Variants in GRID2 observed in about 807,000 individuals in gnomAD.
GRID2 encodes glutamate receptor ionotropic, delta-2.
Under a neutral mutation model 114.8 loss-of-function variants are expected in GRID2, and 33 were observed. That is an observed-to-expected ratio of 0.29 (90% CI 0.22 to 0.38). The LOEUF (loss-of-function observed/expected upper bound fraction) is 0.38. Ranked by LOEUF, GRID2 falls within the 10% of genes least tolerant of loss-of-function variation. GRID2 has a pLI of 1.00. For missense variants in GRID2, 1,184 were observed against 1,257.7 expected, an observed-to-expected ratio of 0.94 and a Z score of 0.89; for synonymous variants, 505 against 449.9, an observed-to-expected ratio of 1.12 and a Z score of -1.55.
At chr4:92,698,539 A>G (rs1021856979) in intron 2 of GRID2, among the ~76,000 whole-genome samples, 6 of 151,990 alleles carry the variant, frequency 3.9e-5, no homozygotes, top group African/African-American at 1.2e-4. Flanking sequence ...TTAACTGTAT[A>G]TAATATATGC....
At chr4:92,419,455 A>C (rs1463929671) in intron 1 of GRID2, among the ~76,000 whole-genome samples, 1 of 152,162 alleles carries the variant, frequency 6.6e-6, no homozygotes, top group East Asian at 1.9e-4. Flanking sequence ...TGGTAAATTA[A>C]GATGACGGAT....
At chr4:93,422,638 G>A (rs1768404702) in intron 9 of GRID2, 133 bp from the exon 10 acceptor site, 2 of 618,108 alleles carry the variant, frequency 3.2e-6, no homozygotes, top group Admixed American at 3.1e-5. Flanking sequence ...TAATGCATAA[G>A]TTATATTCCT....
chr4:92,458,608 T>A (rs564359755), intron 1 of GRID2, among the ~76,000 whole-genome samples: 2 of 152,290 alleles, frequency 1.3e-5, no homozygotes, highest in South Asian at 4.1e-4. Context: ...AAACAACAAA[T>A]TTAAAATTCT....
intron 2 of GRID2, among the ~76,000 whole-genome samples, chr4:92,692,233 C>T (rs1734214997): frequency 6.6e-6 from 1 of 152,118 alleles, no homozygotes; most frequent in Admixed American, 6.6e-5. Flanking sequence ...GGAATGACTT[C>T]TGTTTAAGTT....
At chr4:93,169,528 A>G (rs1244329946) in intron 4 of GRID2, among the ~76,000 whole-genome samples, 2 of 152,198 alleles carry the variant, frequency 1.3e-5, no homozygotes, top group East Asian at 3.9e-4. Context: ...TAGTCAATAT[A>G]CATAGATTGC....
At chr4:93,194,696 TAAA>T (rs947886351) in intron 4 of GRID2, among the ~76,000 whole-genome samples, 26 of 152,200 alleles carry the variant, frequency 1.7e-4, no homozygotes, top group African/African-American at 6.0e-4. Flanking sequence ...GTTTATTAAT[TAAA>T]TAATATAGAC....
At chr4:93,653,242 C>G (rs1355655194) in intron 14 of GRID2, among the ~76,000 whole-genome samples, 2 of 152,162 alleles carry the variant, frequency 1.3e-5, no homozygotes, top group Non-Finnish European at 2.9e-5. Flanking sequence ...AGAACAATCT[C>G]TGAGTCTCCT....
chr4:93,031,296 G>A (rs1430453224), intron 2 of GRID2, among the ~76,000 whole-genome samples: 3 of 151,972 alleles, frequency 2.0e-5, no homozygotes, highest in East Asian at 1.9e-4. Flanking sequence ...TGCCTGCCTC[G>A]GCCTCCCAAA....
intron 1 of GRID2, among the ~76,000 whole-genome samples, chr4:92,540,588 A>C (rs141096623): frequency 7.9e-5 from 12 of 152,080 alleles, no homozygotes; most frequent in African/African-American, 2.9e-4. Context: ...CAAAACCACA[A>C]TGAGATATCA....
intron 2 of GRID2, among the ~76,000 whole-genome samples, chr4:92,703,231 T>C (rs536732377): frequency 2.6e-5 from 4 of 152,282 alleles, no homozygotes; most frequent in Admixed American, 2.6e-4. Flanking sequence ...GACATATATC[T>C]ATTTTGTGCT....
downstream of GRID2, among the ~76,000 whole-genome samples, chr4:93,776,939 A>G (rs1232808995): frequency 6.6e-6 from 1 of 152,174 alleles, no homozygotes; most frequent in Non-Finnish European, 1.5e-5. Flanking sequence ...ATGATAATTC[A>G]AGCTCTGCAA....
chr4:93,004,094 T>C (rs571735537), intron 2 of GRID2, among the ~76,000 whole-genome samples: 3 of 152,058 alleles, frequency 2.0e-5, no homozygotes, highest in South Asian at 2.1e-4. Flanking sequence ...ATATAAAATG[T>C]GGTATATGCA....
chr4:92,426,411 C>G (rs1732157756), intron 1 of GRID2, among the ~76,000 whole-genome samples: 1 of 152,064 alleles, frequency 6.6e-6, no homozygotes, highest in Non-Finnish European at 1.5e-5. Flanking sequence ...AATAATGTAA[C>G]ACAGTTGGGA....
At chr4:92,363,770 A>T (rs1382299486) in intron 1 of GRID2, among the ~76,000 whole-genome samples, 3 of 151,544 alleles carry the variant, frequency 2.0e-5, no homozygotes, top group African/African-American at 4.8e-5. Flanking sequence ...TCAAAATAAC[A>T]CATTTTTAAA....
chr4:93,371,110 C>T (rs1227912720), intron 8 of GRID2, among the ~76,000 whole-genome samples: 1 of 152,022 alleles, frequency 6.6e-6, no homozygotes, highest in Non-Finnish European at 1.5e-5. Context: ...TGCACAAAGG[C>T]TAAAAATCCC....
chr4:93,601,232 G>T (rs1488800963), intron 13 of GRID2, among the ~76,000 whole-genome samples: 1 of 152,158 alleles, frequency 6.6e-6, no homozygotes, highest in Non-Finnish European at 1.5e-5. Flanking sequence ...GTTTGGATTG[G>T]ATGGACAGTT....
chr4:93,507,312 A>G (rs1728730263), intron 12 of GRID2, among the ~76,000 whole-genome samples: 1 of 152,224 alleles, frequency 6.6e-6, no homozygotes, highest in Non-Finnish European at 1.5e-5. Flanking sequence ...GCTACTAAGT[A>G]AGATAGGAAT....
chr4:93,033,053 T>C (rs1441553550), intron 2 of GRID2, among the ~76,000 whole-genome samples: 1 of 152,222 alleles, frequency 6.6e-6, no homozygotes, highest in Non-Finnish European at 1.5e-5. Context: ...AAAAATGTTA[T>C]CTAACATTGA....
Position 93,308,514 on chromosome 4 carries a change from C to T in GRID2, c.1245+70024C>T, listed in dbSNP as rs1314666991. Among the ~76,000 whole-genome samples, 10 of 152,178 alleles carry T rather than the reference C, an allele frequency of 6.6e-5. No individual in the cohort carries two copies. In the East Asian group the frequency reaches 1.5e-3, roughly 24 times the overall value. On this transcript the variant is annotated intron_variant, in intron 8 of 15. Transcript: ENST00000282020. ...TTGTAAACTCAGTCGAAGTGAGCTT[C>T]GGCTGCAGGTTCAACACTGCTTACT...
Sources: allele counts gnomAD v4.1 joint callset (sites outside exome capture counted in the v4.1 genomes callset), GRCh38; gene constraint gnomAD v4.1.1; transcripts MANE v1.5; gene names NCBI Gene and HGNC (gene_info 2026-07-23, HGNC 2026-07-21).